The following SOCS5 variants were observed in gnomAD, a reference collection of about 807,000 sequenced individuals.
SOCS5 encodes suppressor of cytokine signaling 5, also known as CIS-6.
SOCS5 carries 32 observed loss-of-function variants against 42.8 expected under a neutral mutation model. That is an observed-to-expected ratio of 0.75 (90% CI 0.56 to 1.01). The LOEUF (loss-of-function observed/expected upper bound fraction) is 1.01, where lower values mean the gene tolerates loss of function less well. Among genes scored for constraint, SOCS5 ranks in the 50% least tolerant of loss-of-function variants. SOCS5 has a pLI of 0.00. For synonymous variants in SOCS5, 283 were observed against 229.6 expected (o/e 1.23, Z -2.10); for missense variants, 627 against 653.0 (o/e 0.96, Z 0.43).
intron 1 of SOCS5, among the ~76,000 whole-genome samples, chr2:46,705,947 A>G (rs1224897308): frequency 6.6e-6 from 1 of 152,168 alleles, no homozygotes; most frequent in Non-Finnish European, 1.5e-5. Flanking sequence ...GATATTCCAA[A>G]TTATATTTAT....
At chr2:46,744,125 G>T (rs1171761188) in intron 1 of SOCS5, among the ~76,000 whole-genome samples, 2 of 152,012 alleles carry the variant, frequency 1.3e-5, no homozygotes, top group Non-Finnish European at 2.9e-5. Context: ...TAGTAGCTGG[G>T]ATTACAGGCA....
At position 46,761,732 on chromosome 2, in the gene SOCS5, A is replaced by G. The variant is rs888497325; in HGVS notation, c.*1591A>G. On this transcript the variant is annotated 3_prime_UTR_variant, in exon 2 of 2. Transcript: ENST00000394861. Reference sequence around the variant, plus strand: ...TTAATGCAGAGTTAATGAACAGTCTAATATTGACTTATCAGAATAAGCTAA... The same window carrying G: ...TTAATGCAGAGTTAATGAACAGTCTGATATTGACTTATCAGAATAAGCTAA... 6.0e-6 allele frequency: 1 copy of G among 166,578 alleles called. No homozygotes were observed. Among genetic ancestry groups the G allele is most frequent in the Non-Finnish European group, 1.5e-5 (1 of 68,108 alleles). The allele number at this position is 166,578 out of a possible 1,614,324, so 10.3% of individuals were successfully genotyped here.
chr2:46,740,571 C>T (rs547708377), intron 1 of SOCS5, among the ~76,000 whole-genome samples: 2 of 151,998 alleles, frequency 1.3e-5, no homozygotes, highest in Non-Finnish European at 2.9e-5. Context: ...CAAGAATTAG[C>T]AAAAGGTATG....
Position 46,759,575 on chromosome 2 carries a change from A to G in SOCS5, c.1045A>G (p.Thr349Ala), listed in dbSNP as rs1189361791. Residue 349 changes from threonine (T) to alanine (A), a missense_variant, in exon 2 of 2, where the codon ACC becomes GCC. Physicochemically the swap from Thr to Ala is moderately conservative, Grantham distance 58. Around this residue, in one of 3 missense-constraint regions of SOCS5, gnomAD observed 340 missense variants for 367.6 expected, o/e 0.92. Coordinates refer to ENST00000394861, the MANE Select transcript of SOCS5 (RefSeq NM_144949.3). ...GCGTCAGATATCTGGAGACAGCCAT[A>G]CCCATGTTAGCAGACAGGGAGCTTG... The part of the protein sequence containing the change: ...KQRQISGDSH[T>A]HVSRQGAWKV... 1 of 1,613,966 alleles carries G rather than the reference A, an allele frequency of 6.2e-7. No individual in the cohort carries two copies.
chr2:46,752,921 T>A (rs1673655317), intron 1 of SOCS5, among the ~76,000 whole-genome samples: 1 of 152,224 alleles, frequency 6.6e-6, no homozygotes, highest in African/African-American at 2.4e-5. Flanking sequence ...TCAATTGATC[T>A]TCAATCCTAT....
At chr2:46,737,699 A>T (rs912226537) in intron 1 of SOCS5, among the ~76,000 whole-genome samples, 2 of 152,160 alleles carry the variant, frequency 1.3e-5, no homozygotes, top group Non-Finnish European at 2.9e-5. Flanking sequence ...AATTTCACAG[A>T]CGCTTTCCCA....
chr2:46,754,784 T>C (rs1673699289), intron 1 of SOCS5, among the ~76,000 whole-genome samples: 1 of 152,296 alleles, frequency 6.6e-6, no homozygotes, highest in African/African-American at 2.4e-5. Flanking sequence ...CCTGTCACAA[T>C]ATGACGTGTA....
intron 1 of SOCS5, among the ~76,000 whole-genome samples, chr2:46,720,165 G>T (rs1437747436): frequency 1.3e-5 from 2 of 152,130 alleles, no homozygotes; most frequent in African/African-American, 4.8e-5. Flanking sequence ...ATTATTGTGA[G>T]AACTAAAGAT....
Position 46,758,858 on chromosome 2 carries a change from C to G in SOCS5, c.328C>G (p.Arg110Gly). Residue 110 changes from arginine to glycine, a missense_variant, in exon 2 of 2, where the codon CGA becomes GGA. By Grantham distance (125) the Arg-to-Gly change is moderately radical. Transcript: ENST00000394861. ...TGTTACCCCAGGAACAAGACTTGCACGAAGAGATTCCTACTCTCGACATGC... is the reference window on the plus strand; with the variant it reads ...TGTTACCCCAGGAACAAGACTTGCAGGAAGAGATTCCTACTCTCGACATGC... ...SCVTPGTRLARRDSYSRHAPW... is the reference protein window; with the variant it reads ...SCVTPGTRLAGRDSYSRHAPW... 1 of 1,613,770 alleles carries G rather than the reference C, an allele frequency of 6.2e-7. No individual in the cohort carries two copies. The highest frequency in any genetic ancestry group is 8.5e-7 in the Non-Finnish European group (1 of 1,179,706).
intron 1 of SOCS5, among the ~76,000 whole-genome samples, chr2:46,723,903 G>A (rs961744800): frequency 6.6e-6 from 1 of 151,850 alleles, no homozygotes; most frequent in Non-Finnish European, 1.5e-5. Flanking sequence ...CCTTGAATGT[G>A]GTAGCTCTCT....
chr2:46,746,922 C>CTTTTTTTTTTTTTTTT (rs11373537), intron 1 of SOCS5, among the ~76,000 whole-genome samples: 6 of 70,788 alleles, frequency 8.5e-5, no homozygotes, highest in Admixed American at 2.0e-4. Flanking sequence ...GACTTTATTT[C>CTTTTTTTTTTTTTTTT]TTTTTTTTTT....
intron 1 of SOCS5, among the ~76,000 whole-genome samples, chr2:46,727,516 C>G (rs371028387): frequency 5.9e-5 from 9 of 152,190 alleles, no homozygotes; most frequent in African/African-American, 2.2e-4. Flanking sequence ...TCAGTTGAGT[C>G]TGTTGGGTTC....
At chr2:46,714,250 T>G (rs1309849308) in intron 1 of SOCS5, among the ~76,000 whole-genome samples, 2 of 152,362 alleles carry the variant, frequency 1.3e-5, no homozygotes, top group East Asian at 3.9e-4. Flanking sequence ...AGTTTCCAAC[T>G]GCAGTTTTGG....
intron 1 of SOCS5, among the ~76,000 whole-genome samples, chr2:46,723,044 T>C (rs558665240): frequency 2.1e-4 from 32 of 152,238 alleles, no homozygotes; most frequent in Admixed American, 3.3e-4. Context: ...TCCTTACATA[T>C]CCAGGATACA....
intron 1 of SOCS5, among the ~76,000 whole-genome samples, chr2:46,748,273 C>G (rs1234246246): frequency 6.6e-6 from 1 of 151,504 alleles, no homozygotes; most frequent in African/African-American, 2.4e-5. Flanking sequence ...GCAGCCTCAG[C>G]CTCCCAGGTT....
chr2:46,716,367 A>ATTTTTTTTTTTTTTTTTTTTTTTT lies in SOCS5; in HGVS notation c.-13+16924_-13+16947dup, dbSNP rs35187667. Among the ~76,000 whole-genome samples, 51 of 17,048 alleles carry ATTTTTTTTTTTTTTTTTTTTTTTT rather than the reference A, an allele frequency of 3.0e-3. 1 individual carries two copies. Among genetic ancestry groups the ATTTTTTTTTTTTTTTTTTTTTTTT allele is most frequent in the Non-Finnish European group, 4.2e-3 (36 of 8,598 alleles). 11.2% of individuals were successfully genotyped at this position (17,048 alleles called of 152,430 possible). A position where few individuals can be genotyped will look rare whatever the true frequency, so the allele number is the denominator to read the frequency against. On this transcript the variant is annotated intron_variant, in intron 1 of 1. Transcript: ENST00000394861. Reference sequence around the variant, plus strand: ...GGATTTCATGATGTTGAGTGTCTTCATTTTTTTTTTTTTTTTTTTTTTTTT... The same window carrying ATTTTTTTTTTTTTTTTTTTTTTTT: ...GGATTTCATGATGTTGAGTGTCTTCATTTTTTTTTTTTTTTTTTTTTTTTTTTTTTTTTTTTTTTTTTTTTTTTT...
rs1673841763 is a variant in SOCS5 at position 46,760,459 on chromosome 2, C to G, written c.*318C>G. The G allele has an allele frequency of 8.3e-6, 2 of 240,854 alleles. No individual in the cohort carries two copies. Among genetic ancestry groups the G allele is most frequent in the Non-Finnish European group, 8.6e-6 (1 of 115,802 alleles). 14.9% of individuals were successfully genotyped at this position (240,854 alleles called of 1,614,324 possible). On this transcript the variant is annotated 3_prime_UTR_variant, in exon 2 of 2. Coordinates refer to ENST00000394861, the MANE Select transcript of SOCS5 (RefSeq NM_144949.3). ...TTGTTATGAAGAATTCTATTTCTTA[C>G]TGAAGAACAAATTATTAATATTGGA...
chr2:46,726,238 A>G (rs1240518921), intron 1 of SOCS5, among the ~76,000 whole-genome samples: 1 of 152,146 alleles, frequency 6.6e-6, no homozygotes, highest in Non-Finnish European at 1.5e-5. Context: ...TTGGGATTAC[A>G]GGCGTGCACC....
intron 1 of SOCS5, among the ~76,000 whole-genome samples, chr2:46,701,330 G>A (rs934000791): frequency 1.3e-5 from 2 of 152,198 alleles, no homozygotes; most frequent in Non-Finnish European, 2.9e-5. Flanking sequence ...TAGCTAAACA[G>A]AATGAGAATG....
Sources: allele counts gnomAD v4.1 joint callset (sites outside exome capture counted in the v4.1 genomes callset), GRCh38; gene constraint gnomAD v4.1.1; regional missense constraint gnomAD v4.1.1; transcripts MANE v1.5; gene names NCBI Gene and HGNC (gene_info 2026-07-23, HGNC 2026-07-21).